Variants in NLGN1 observed in about 807,000 individuals in gnomAD.
The protein encoded by NLGN1 is neuroligin 1.
A neutral mutation model predicts 65.5 loss-of-function variants in NLGN1; 12 were observed. The ratio of observed to expected loss-of-function variants is 0.18; its 90% CI spans 0.12 to 0.30. NLGN1 has a LOEUF of 0.30. NLGN1 is among the 10% of genes least tolerant of loss of function. NLGN1 has a pLI of 1.00. For missense variants in NLGN1, 750 were observed against 1,007.1 expected (o/e 0.74, Z 3.46); for synonymous variants, 350 against 359.5 (o/e 0.97, Z 0.30).
chr3:173,589,892 A>C (rs745503290), intron 2 of NLGN1, among the ~76,000 whole-genome samples: 3 of 152,202 alleles, frequency 2.0e-5, no homozygotes, highest in Non-Finnish European at 4.4e-5. Context: ...TTTTTAAAAA[A>C]CAGTCACAAT....
chr3:173,632,317 C>T (rs1755817747), intron 3 of NLGN1, among the ~76,000 whole-genome samples: 1 of 152,132 alleles, frequency 6.6e-6, no homozygotes, highest in Non-Finnish European at 1.5e-5. Context: ...GTTGTGCAAA[C>T]ATTTGTTCTG....
At chr3:174,147,284 A>C (rs1260511950) in intron 4 of NLGN1, among the ~76,000 whole-genome samples, 1 of 152,144 alleles carries the variant, frequency 6.6e-6, no homozygotes, top group Non-Finnish European at 1.5e-5. Flanking sequence ...ACCTGGAGTC[A>C]GAGCGCACGG....
chr3:173,469,292 C>A (rs899489976), intron 2 of NLGN1, among the ~76,000 whole-genome samples: 1 of 151,824 alleles, frequency 6.6e-6, no homozygotes, highest in Non-Finnish European at 1.5e-5. Flanking sequence ...TCAAAGAGGG[C>A]AACTTTGTTA....
At chr3:173,752,667 A>G (rs1776474875) in intron 3 of NLGN1, among the ~76,000 whole-genome samples, 1 of 151,934 alleles carries the variant, frequency 6.6e-6, no homozygotes, top group African/African-American at 2.4e-5. Context: ...TTCTCCACTT[A>G]CTACACTAAA....
intron 4 of NLGN1, among the ~76,000 whole-genome samples, chr3:174,104,196 A>G (rs745356610): frequency 2.0e-5 from 3 of 152,024 alleles, no homozygotes; most frequent in Non-Finnish European, 4.4e-5. Context: ...TTGTCTCTCT[A>G]TCCATGTCCT....
At chr3:173,597,177 C>G (rs917934632) in intron 2 of NLGN1, among the ~76,000 whole-genome samples, 1 of 152,194 alleles carries the variant, frequency 6.6e-6, no homozygotes, top group Non-Finnish European at 1.5e-5. Flanking sequence ...CACTGAGGTG[C>G]AGAGCACAAA....
chr3:174,264,901 A>G (rs1040704201), intron 4 of NLGN1, among the ~76,000 whole-genome samples: 2 of 152,028 alleles, frequency 1.3e-5, no homozygotes, highest in African/African-American at 4.8e-5. Context: ...TCCTTCTAAC[A>G]GAGAGGACCC....
intron 4 of NLGN1, among the ~76,000 whole-genome samples, chr3:173,817,505 G>A (rs1341280141): frequency 1.3e-5 from 2 of 152,118 alleles, no homozygotes; most frequent in Non-Finnish European, 2.9e-5. Context: ...TGCTGAGGCT[G>A]GACTCACTCA....
At chr3:173,440,561 C>T (rs142620667) in intron 2 of NLGN1, among the ~76,000 whole-genome samples, 108 of 152,228 alleles carry the variant, frequency 7.1e-4, no homozygotes, top group African/African-American at 2.5e-3. Context: ...GGCATGAAAA[C>T]GACATTAATC....
At chr3:173,588,300 A>G (rs1448245286) in intron 2 of NLGN1, among the ~76,000 whole-genome samples, 1 of 152,220 alleles carries the variant, frequency 6.6e-6, no homozygotes, top group Non-Finnish European at 1.5e-5. Context: ...TCTAAGAAAA[A>G]TGATTCCTTA....
At chr3:173,567,980 A>G (rs889720267) in intron 2 of NLGN1, among the ~76,000 whole-genome samples, 1 of 152,194 alleles carries the variant, frequency 6.6e-6, no homozygotes, top group African/African-American at 2.4e-5. Context: ...TTTGACAAAT[A>G]AAAATGTATA....
chr3:174,213,040 A>G (rs953965747), intron 4 of NLGN1, among the ~76,000 whole-genome samples: 4 of 152,160 alleles, frequency 2.6e-5, no homozygotes, highest in African/African-American at 9.7e-5. Flanking sequence ...CAGTTAATTA[A>G]CCATCTTAAT....
chr3:173,981,921 C>G (rs1451911902), intron 4 of NLGN1, among the ~76,000 whole-genome samples: 2 of 151,774 alleles, frequency 1.3e-5, no homozygotes, highest in Admixed American at 1.3e-4. Flanking sequence ...TTTCTTTTTT[C>G]TTCAAGTGAA....
chr3:173,557,236 G>A (rs953037014), intron 2 of NLGN1, among the ~76,000 whole-genome samples: 1 of 152,030 alleles, frequency 6.6e-6, no homozygotes, highest in Non-Finnish European at 1.5e-5. Flanking sequence ...ATAAAACTCT[G>A]TCTTCAAGCC....
intron 3 of NLGN1, among the ~76,000 whole-genome samples, chr3:173,642,482 A>G (rs1331121030): frequency 6.6e-6 from 1 of 152,184 alleles, no homozygotes; most frequent in Non-Finnish European, 1.5e-5. Context: ...CAGGGAAAGA[A>G]TTTGCCAAAA....
intron 2 of NLGN1, among the ~76,000 whole-genome samples, chr3:173,468,176 C>T (rs1452265533): frequency 6.6e-6 from 1 of 152,020 alleles, no homozygotes; most frequent in Non-Finnish European, 1.5e-5. Context: ...TGGTGTCTGG[C>T]ACTTATTAAT....
chr3:174,129,680 C>A (rs953350298), intron 4 of NLGN1, among the ~76,000 whole-genome samples: 1 of 152,108 alleles, frequency 6.6e-6, no homozygotes, highest in Non-Finnish European at 1.5e-5. Flanking sequence ...ATCTTTAAGC[C>A]TAGGGCTGGG....
chr3:173,954,855 T>C (rs1711582464), intron 4 of NLGN1, among the ~76,000 whole-genome samples: 1 of 152,130 alleles, frequency 6.6e-6, no homozygotes, highest in Non-Finnish European at 1.5e-5. Context: ...AGCTCATAAA[T>C]ATGAGAATTA....
At chr3:174,017,682 C>A (rs1436799322) in intron 4 of NLGN1, among the ~76,000 whole-genome samples, 2 of 151,996 alleles carry the variant, frequency 1.3e-5, no homozygotes, top group Admixed American at 1.3e-4. Flanking sequence ...GTGATGCCCC[C>A]GTCAAGCCGC....
Sources: gnomAD v4.1 joint callset for allele counts (sites outside exome capture counted in the v4.1 genomes callset) on GRCh38, gnomAD v4.1.1 for gene constraint, MANE v1.5 for transcripts, NCBI Gene and HGNC (gene_info 2026-07-23, HGNC 2026-07-21) for gene names.